Variants in AFF4 observed in about 807,000 individuals in gnomAD.
AFF4 encodes the protein AF4/FMR2 family member 4.
AFF4 carries 13 observed loss-of-function variants against 124.8 expected under a neutral mutation model. The ratio of observed to expected loss-of-function variants is 0.10; its 90% confidence interval spans 0.07 to 0.17. The LOEUF (loss-of-function observed/expected upper bound fraction) is 0.17, where lower values mean the gene tolerates loss of function less well. AFF4 is among the 10% of genes least tolerant of loss of function. The pLI is 1.00. For synonymous variants in AFF4, 477 were observed against 496.1 expected, an observed-to-expected ratio of 0.96 and a Z score of 0.51; for missense variants, 1,092 against 1,403.8, an observed-to-expected ratio of 0.78 and a Z score of 3.55.
At chr5:132,924,211 G>A (rs1429124919) in intron 5 of AFF4, among the ~76,000 whole-genome samples, 1 of 151,742 alleles carries the variant, frequency 6.6e-6, no homozygotes, top group Non-Finnish European at 1.5e-5. Flanking sequence ...CCGAGATCAT[G>A]CCACCGCACT....
chr5:132,885,248 ACG>A (rs1491426241), intron 18 of AFF4, 129 bp from the exon 19 acceptor site: 4 of 431,132 alleles, frequency 9.3e-6, no homozygotes, highest in South Asian at 5.4e-5. Context: ...ACACCAAAAT[ACG>A]TGTGTGTGTG....
chr5:132,921,875 C>T (rs1581306623), intron 5 of AFF4, among the ~76,000 whole-genome samples: 2 of 151,742 alleles, frequency 1.3e-5, no homozygotes, highest in Admixed American at 1.3e-4. Flanking sequence ...CAACCAGCTG[C>T]AGTCAAGCAA....
rs149175322 is a variant in AFF4, at chr5:132,914,228, A to AAAATAAAT, written c.1051-9832_1051-9825dup. On this transcript the variant is annotated intron_variant, in intron 5 of 20. Coordinates refer to ENST00000265343, the MANE Select transcript of AFF4 (RefSeq NM_014423.4). ...GGGCAACGGAGCAAGACTCCATCTAAAAATAAATAAATAAATAAAATAAGA... is the reference window on the plus strand; with the variant it reads ...GGGCAACGGAGCAAGACTCCATCTAAAAATAAATAAATAAATAAATAAATAAAATAAGA... Among the ~76,000 whole-genome samples, 9 of 151,270 alleles carry AAAATAAAT rather than the reference A, an allele frequency of 5.9e-5. No individual in the cohort carries two copies. The East Asian group carries it at 9.7e-4, about 16-fold the overall frequency.
intron 5 of AFF4, among the ~76,000 whole-genome samples, chr5:132,918,296 G>C (rs917704056): frequency 6.6e-6 from 1 of 152,006 alleles, no homozygotes; most frequent in Non-Finnish European, 1.5e-5. Context: ...AGAAGGCTGA[G>C]GCTACAGTGA....
chr5:132,934,712 G>C lies in AFF4; in HGVS notation c.353C>G (p.Ser118Cys). The part of the protein sequence containing the change: ...WTPVGPAPST[S>C]QSQKRSSGLQ... ...GCCTGAGGACCGTTTCTGAGACTGA[G>C]AAGTGCTGGGTGCGGGTCCTACTGG... Residue 118 changes from serine to cysteine, a missense_variant, in exon 3 of 21, where the codon TCT becomes TGT. Ser to Cys is a moderately radical substitution (Grantham distance 112). Around this residue, in one of 11 missense-constraint regions of AFF4, gnomAD observed 188 missense variants for 203.0 expected, o/e 0.93. Transcript: ENST00000265343. The C allele has an allele frequency of 6.2e-7, 1 of 1,614,082 alleles. No homozygotes were observed. Among genetic ancestry groups the C allele is most frequent in the Non-Finnish European group, 8.5e-7 (1 of 1,180,026 alleles).
intron 19 of AFF4, among the ~76,000 whole-genome samples, chr5:132,884,519 C>A (rs1220114722): frequency 6.6e-6 from 1 of 152,166 alleles, no homozygotes; most frequent in Non-Finnish European, 1.5e-5. Context: ...GGATTACAGG[C>A]GTGAGCTACC....
At chr5:132,913,303 C>G (rs902066830) in intron 5 of AFF4, among the ~76,000 whole-genome samples, 1 of 152,090 alleles carries the variant, frequency 6.6e-6, no homozygotes, top group Non-Finnish European at 1.5e-5. Context: ...AAAGCAAGAA[C>G]ATATATACAA....
chr5:132,890,811 C>T (rs1039477422), intron 13 of AFF4, among the ~76,000 whole-genome samples: 1 of 151,784 alleles, frequency 6.6e-6, no homozygotes, highest in African/African-American at 2.4e-5. Flanking sequence ...CAAATATTTC[C>T]TCATTACCCA....
At chr5:132,919,319 TTGGCACCA>T (rs1252242863) in intron 5 of AFF4, among the ~76,000 whole-genome samples, 1 of 152,236 alleles carries the variant, frequency 6.6e-6, no homozygotes, top group African/African-American at 2.4e-5. Context: ...CAGGCTCATA[TTGGCACCA>T]TGACAGACAA....
At chr5:132,959,114 C>T (rs1443356995) in intron 1 of AFF4, among the ~76,000 whole-genome samples, 1 of 148,828 alleles carries the variant, frequency 6.7e-6, no homozygotes, top group Non-Finnish European at 1.5e-5. Context: ...TCAGAACATT[C>T]CTCAGGTTAC....
chr5:132,892,515 T>A (rs1341465088), intron 12 of AFF4, 111 bp from the exon 13 acceptor site: 5 of 1,400,086 alleles, frequency 3.6e-6, no homozygotes, highest in Admixed American at 4.5e-5. Context: ...CCCCATTTGA[T>A]TACTAGGACA....
chr5:132,932,626 T>G (rs1233705972), intron 3 of AFF4, among the ~76,000 whole-genome samples: 2 of 152,212 alleles, frequency 1.3e-5, no homozygotes, highest in South Asian at 2.1e-4. Context: ...AAATTTTTTG[T>G]GTGAAAAATC....
intron 1 of AFF4, among the ~76,000 whole-genome samples, chr5:132,958,663 G>A (rs1762013828): frequency 6.6e-6 from 1 of 152,092 alleles, no homozygotes; most frequent in South Asian, 2.1e-4. Context: ...TGGAAGAAAT[G>A]GAAGCAACTG....
chr5:132,954,244 G>A (rs1412187868), intron 1 of AFF4, among the ~76,000 whole-genome samples: 4 of 152,224 alleles, frequency 2.6e-5, no homozygotes, highest in Non-Finnish European at 5.9e-5. Flanking sequence ...TCAGGCATTA[G>A]TTAGATTCTC....
Position 132,879,378 on chromosome 5 carries a change from T to C in AFF4, c.*1681A>G, listed in dbSNP as rs1190157065. The C allele has an allele frequency of 9.5e-6, 2 of 210,004 alleles. No homozygotes were observed. Among genetic ancestry groups the C allele is most frequent in the African/African-American group, 2.3e-5 (1 of 44,048 alleles). 13.0% of individuals were successfully genotyped at this position (210,004 alleles called of 1,614,324 possible). On this transcript the variant is annotated 3_prime_UTR_variant, in exon 21 of 21. Transcript: ENST00000265343. Reference sequence around the variant, plus strand: ...TAGTAGGATAATCTTTTTTTCTGACTGAATGGATTCATTTTTGGAATGGGG... The same window carrying C: ...TAGTAGGATAATCTTTTTTTCTGACCGAATGGATTCATTTTTGGAATGGGG...
chr5:132,901,729 G>A (rs958373401), intron 7 of AFF4, among the ~76,000 whole-genome samples: 7 of 152,162 alleles, frequency 4.6e-5, no homozygotes, highest in African/African-American at 1.2e-4. Context: ...GAAGAATCCT[G>A]TCTTTATTTT....
chr5:132,897,291 C>T (rs534691331), intron 10 of AFF4, 51 bp from the exon 11 acceptor site: 3 of 1,556,784 alleles, frequency 1.9e-6, no homozygotes, highest in Admixed American at 3.7e-5. Flanking sequence ...ATGCTTTTTT[C>T]GTTCTCCCTC....
At chr5:132,917,024 G>A (rs563168832) in intron 5 of AFF4, among the ~76,000 whole-genome samples, 133 of 152,112 alleles carry the variant, frequency 8.7e-4, no homozygotes, top group Middle Eastern at 6.8e-3. Flanking sequence ...GGGTTCAAGC[G>A]ATTCTCCTGC....
Position 132,934,393 on chromosome 5 carries a change from G to A in AFF4, c.672C>T (p.Ser224=), listed in dbSNP as rs933554638. 11 of 1,614,018 alleles carry A rather than the reference G, an allele frequency of 6.8e-6. No individual in the cohort carries two copies. The African/African-American group carries it at 9.3e-5, about 14-fold the overall frequency. Residue 224 remains serine, a synonymous_variant, in exon 3 of 21, where the codon TCC becomes TCT. Transcript: ENST00000265343. ...GCTGCCCACTTGAAAAAGGTACACGGGAAGGAGAATCCCAGTTTGCATCAG... is the reference window on the plus strand; with the variant it reads ...GCTGCCCACTTGAAAAAGGTACACGAGAAGGAGAATCCCAGTTTGCATCAG... The part of the protein sequence containing the change: ...RDPDANWDSP[S]RVPFSSGQHS...
Sources: allele counts gnomAD v4.1 joint callset (sites outside exome capture counted in the v4.1 genomes callset), GRCh38; gene constraint gnomAD v4.1.1; regional missense constraint gnomAD v4.1.1; transcripts MANE v1.5; gene names NCBI Gene and HGNC (gene_info 2026-07-23, HGNC 2026-07-21).